The following RYR3 variants were observed in gnomAD, a reference collection of about 807,000 sequenced individuals.
The protein encoded by RYR3 is ryanodine receptor 3.
In RYR3, 207 loss-of-function variants were observed where a neutral mutation model predicts 584.3. That is an observed-to-expected ratio of 0.35 (90% CI 0.32 to 0.40). The LOEUF is 0.40. Ranked by LOEUF, RYR3 falls within the 10% of genes least tolerant of loss-of-function variation. The pLI is 1.00. For synonymous variants in RYR3, 2,416 were observed against 2,248.5 expected (o/e 1.07, Z -2.11); for missense variants, 5,616 against 6,089.2 (o/e 0.92, Z 2.59).
intron 52 of RYR3, among the ~76,000 whole-genome samples, chr15:33,745,801 T>G (rs932864544): frequency 9.9e-5 from 15 of 152,112 alleles, no homozygotes; most frequent in African/African-American, 3.6e-4. Context: ...TTTTGAAACA[T>G]GCTGTTTTAA....
At chr15:33,484,070 T>C (rs1358022646) in intron 2 of RYR3, among the ~76,000 whole-genome samples, 1 of 152,154 alleles carries the variant, frequency 6.6e-6, no homozygotes, top group Non-Finnish European at 1.5e-5. Context: ...ATCATTGTTA[T>C]TGGCAAGAGG....
intron 89 of RYR3, chr15:33,840,420 T>C (rs765138471): frequency 2.0e-5 from 4 of 195,754 alleles, no homozygotes; most frequent in African/African-American, 7.1e-5. Flanking sequence ...GCCAGAGGGA[T>C]TGGGATACTG....
Position 33,731,536 on chromosome 15 carries a change from C to T in RYR3, c.7266C>T (p.Leu2422=). The T allele has an allele frequency of 6.2e-7, 1 of 1,613,882 alleles. No homozygotes were observed. ...ALNRYICSAV[L]PLLTRCAPLF... ...ATAGGTATATATGTTCTGCTGTGCT[C>T]CCGCTCCTCACAAGATGTGCCCCTC... Residue 2422 remains leucine, a synonymous_variant, in exon 48 of 104, where the codon CTC becomes CTT. Coordinates refer to ENST00000634891, the MANE Select transcript of RYR3 (RefSeq NM_001036.6).
intron 45 of RYR3, among the ~76,000 whole-genome samples, chr15:33,725,182 C>CACACACACACACACACACATATAT (rs2068276998): frequency 5.4e-5 from 8 of 149,276 alleles, no homozygotes; most frequent in Non-Finnish European, 7.5e-5. Context: ...CACACACACA[C>CACACACACACACACACACATATAT]ACACACACAC....
intron 3 of RYR3, among the ~76,000 whole-genome samples, chr15:33,519,962 A>C (rs1441248059): frequency 6.6e-6 from 1 of 152,216 alleles, no homozygotes; most frequent in African/African-American, 2.4e-5. Context: ...AGAGAGAACA[A>C]GAAGAATCGA....
chr15:33,630,848 C>A (rs1248401124), intron 22 of RYR3, among the ~76,000 whole-genome samples: 1 of 152,208 alleles, frequency 6.6e-6, no homozygotes, highest in Non-Finnish European at 1.5e-5. Flanking sequence ...TAACAAATTT[C>A]TCTTCTGTAA....
At chr15:33,788,052 TGA>T (rs1244241810) in intron 66 of RYR3, among the ~76,000 whole-genome samples, 164 bp from the exon 67 acceptor site, 1 of 152,070 alleles carries the variant, frequency 6.6e-6, no homozygotes, top group African/African-American at 2.4e-5. Context: ...TCCCTCAAGG[TGA>T]CTCTATGAGA....
intron 1 of RYR3, among the ~76,000 whole-genome samples, chr15:33,439,355 C>T (rs1203654811): frequency 6.6e-6 from 1 of 152,020 alleles, no homozygotes; most frequent in Non-Finnish European, 1.5e-5. Context: ...TTTAAAGGGG[C>T]TACGTCAAGT....
intron 1 of RYR3, among the ~76,000 whole-genome samples, chr15:33,333,059 T>A: frequency 2.4e-5 from 1 of 40,936 alleles, no homozygotes. Flanking sequence ...ATAAATAGCC[T>A]ACCAACCAAA....
intron 1 of RYR3, among the ~76,000 whole-genome samples, chr15:33,343,344 C>G (rs1468553177): frequency 1.3e-5 from 2 of 152,046 alleles, no homozygotes; most frequent in East Asian, 3.9e-4. Flanking sequence ...TAAAAAAACC[C>G]TTCATCTTCT....
chr15:33,764,350 T>G (rs896676050), intron 60 of RYR3, among the ~76,000 whole-genome samples: 2 of 152,012 alleles, frequency 1.3e-5, no homozygotes, highest in Non-Finnish European at 2.9e-5. Flanking sequence ...TACCACATGT[T>G]CTCACTCATA....
At position 33,855,331 on chromosome 15, in the gene RYR3, G is replaced by A. The variant is rs150365792; in HGVS notation, c.14007+419G>A. On this transcript the variant is annotated intron_variant, in intron 98 of 103. Coordinates refer to ENST00000634891, the MANE Select transcript of RYR3 (RefSeq NM_001036.6). ...CAATTCTCCTGCCTCAGCCTCCAGA[G>A]TAGCTGGGATTACAGGCACATGCCA... Among the ~76,000 whole-genome samples the A allele has an allele frequency of 3.5e-4, 54 of 152,322 alleles. No individual in the cohort carries two copies. In the East Asian group the frequency reaches 0.01, roughly 29 times the overall value.
Position 33,827,235 on chromosome 15 carries a change from C to A in RYR3, c.11282C>A (p.Thr3761Asn). 1.3e-6 allele frequency: 2 copies of A among 1,552,484 alleles called. No homozygotes were observed. Among genetic ancestry groups the A allele is most frequent in the Non-Finnish European group, 1.7e-6 (2 of 1,147,506 alleles). Residue 3761 changes from threonine (T) to asparagine (N), a missense_variant, in exon 85 of 104, where the codon ACC becomes AAC. By Grantham distance (65) the Thr-to-Asn change is moderately conservative. Around this residue, in one of 9 missense-constraint regions of RYR3, gnomAD observed 954 missense variants for 1,132.2 expected, o/e 0.84. Transcript: ENST00000634891. The part of the protein sequence containing the change: ...QNFLRTQMGN[T>N]TTVNVIISTV... ...TTCCTGCGGACTCAGATGGGCAACA[C>A]CACCACCGTGAATGTCATCATCAGC...
At chr15:33,848,243 TTTA>T in intron 93 of RYR3, 45 bp from the exon 94 acceptor site, 5 of 1,609,204 alleles carry the variant, frequency 3.1e-6, no homozygotes, top group Non-Finnish European at 4.2e-6. Flanking sequence ...GAGCAGGAGC[TTTA>T]ATCACAAAGC....
chr15:33,333,381 G>A (rs1335976514), intron 1 of RYR3, among the ~76,000 whole-genome samples: 2 of 152,068 alleles, frequency 1.3e-5, no homozygotes, highest in African/African-American at 2.4e-5. Context: ...AGAATACAAG[G>A]TTGGTTTAAC....
At chr15:33,477,575 TAA>T (rs3084422) in intron 2 of RYR3, among the ~76,000 whole-genome samples, 19 of 116,378 alleles carry the variant, frequency 1.6e-4, no homozygotes, top group Non-Finnish European at 2.5e-4. Flanking sequence ...CTTGTTTTGT[TAA>T]AAAAAAAAAA....
intron 85 of RYR3, among the ~76,000 whole-genome samples, chr15:33,828,137 C>T (rs762220581): frequency 2.0e-5 from 3 of 152,138 alleles, no homozygotes; most frequent in African/African-American, 2.4e-5. Context: ...CAGTGATCTT[C>T]GATGTTACTA....
At chr15:33,368,338 CTTTTTT>C (rs35491164) in intron 1 of RYR3, among the ~76,000 whole-genome samples, 1 of 85,846 alleles carries the variant, frequency 1.2e-5, no homozygotes, top group South Asian at 4.7e-4. Flanking sequence ...GCCTTCCTGT[CTTTTTT>C]TTTTTTTTTT....
chr15:33,826,321 T>A, intron 83 of RYR3, 52 bp downstream of exon 83: 4 of 1,576,298 alleles, frequency 2.5e-6, no homozygotes, highest in South Asian at 2.2e-5. Context: ...TCCTAGGAGA[T>A]CTCATTTAAT....
Sources: allele counts gnomAD v4.1 joint callset (sites outside exome capture counted in the v4.1 genomes callset), GRCh38; gene constraint gnomAD v4.1.1; regional missense constraint gnomAD v4.1.1; transcripts MANE v1.5; gene names NCBI Gene and HGNC (gene_info 2026-07-23, HGNC 2026-07-21).